Variants in WDR37 observed in about 807,000 individuals in gnomAD.
WDR37 encodes the protein WD repeat domain 37.
WDR37 carries 19 observed loss-of-function variants against 62.9 expected under a neutral mutation model. The ratio of observed to expected loss-of-function variants is 0.30; its 90% confidence interval spans 0.21 to 0.44. The LOEUF (loss-of-function observed/expected upper bound fraction) is 0.44, where lower values mean the gene tolerates loss of function less well. Ranked by LOEUF, WDR37 falls within the 20% of genes least tolerant of loss-of-function variation. The pLI is 1.00. For missense variants in WDR37, 474 were observed against 657.6 expected (o/e 0.72, Z 3.05); for synonymous variants, 250 against 260.9 (o/e 0.96, Z 0.40).
At chr10:1,058,454 C>T (rs1187527326) in intron 1 of WDR37, among the ~76,000 whole-genome samples, 1 of 152,204 alleles carries the variant, frequency 6.6e-6, no homozygotes, top group Non-Finnish European at 1.5e-5. Flanking sequence ...GTCCCTTTCC[C>T]CAAGGTGAAA....
intron 7 of WDR37, among the ~76,000 whole-genome samples, chr10:1,089,906 TGTC>T (rs1295237032): frequency 1.3e-5 from 2 of 152,232 alleles, no homozygotes; most frequent in African/African-American, 4.8e-5. Flanking sequence ...TCTGGCACGT[TGTC>T]GTGTTGCGTG....
At chr10:1,126,396 A>C (rs1157053614) in intron 13 of WDR37, among the ~76,000 whole-genome samples, 1 of 131,690 alleles carries the variant, frequency 7.6e-6, no homozygotes. Flanking sequence ...ACAGAGCGAG[A>C]CTGTGTCTCA....
chr10:1,111,980 C>T (rs1465282715), intron 11 of WDR37, among the ~76,000 whole-genome samples: 6 of 151,992 alleles, frequency 3.9e-5, no homozygotes, highest in Non-Finnish European at 5.9e-5. Context: ...CGGCTCACTG[C>T]AACCTCCACC....
Position 1,096,225 on chromosome 10 carries a change from C to T in WDR37, c.705C>T (p.Pro235=), listed in dbSNP as rs756099123. Residue 235 remains proline (P), a synonymous_variant, in exon 9 of 14, where the codon CCC becomes CCT. Transcript: ENST00000263150. ...GATACGCGGTGCAGCTGCCGACACC[C>T]CAGCCTGTTGCTGACACTAGTGTAA... ...IWRYAVQLPT[P]QPVADTSISG... 5.0e-6 allele frequency: 8 copies of T among 1,614,164 alleles called. No homozygotes were observed. The highest frequency in any genetic ancestry group is 5.9e-6 in the Non-Finnish European group (7 of 1,180,036).
At chr10:1,064,523 AGCATAGTAAGAG>A (rs1037432787) in intron 1 of WDR37, among the ~76,000 whole-genome samples, 1 of 151,550 alleles carries the variant, frequency 6.6e-6, no homozygotes, top group Admixed American at 6.6e-5. Flanking sequence ...TGAAGACAGA[AGCATAGTAAGAG>A]AGATACCACT....
chr10:1,078,971 G>T (rs958278099), intron 3 of WDR37, among the ~76,000 whole-genome samples: 6 of 152,172 alleles, frequency 3.9e-5, no homozygotes, highest in African/African-American at 1.4e-4. Context: ...ATAATGAAGA[G>T]AATATAATCC....
At chr10:1,112,422 T>G (rs1835246499) in intron 11 of WDR37, among the ~76,000 whole-genome samples, 1 of 152,152 alleles carries the variant, frequency 6.6e-6, no homozygotes, top group Admixed American at 6.5e-5. Flanking sequence ...ACTTCATGAG[T>G]GAGACACAAC....
chr10:1,061,186 C>T (rs1211808803), intron 1 of WDR37, among the ~76,000 whole-genome samples: 1 of 152,166 alleles, frequency 6.6e-6, no homozygotes, highest in Non-Finnish European at 1.5e-5. Flanking sequence ...AGCTCTTCAG[C>T]CTCTGGTAGA....
intron 1 of WDR37, among the ~76,000 whole-genome samples, chr10:1,068,135 A>G (rs1421215337): frequency 6.6e-6 from 1 of 152,162 alleles, no homozygotes; most frequent in Admixed American, 6.5e-5. Flanking sequence ...GCAGTATGAT[A>G]GAAGGAATAC....
At chr10:1,087,626 C>T (rs540229261) in intron 7 of WDR37, among the ~76,000 whole-genome samples, 39 of 152,076 alleles carry the variant, frequency 2.6e-4, no homozygotes, top group Admixed American at 4.6e-4. Context: ...TAATGGTAGG[C>T]TTAAAATACT....
chr10:1,101,011 T>C (rs1834777354), intron 9 of WDR37, among the ~76,000 whole-genome samples: 1 of 152,208 alleles, frequency 6.6e-6, no homozygotes, highest in Non-Finnish European at 1.5e-5. Context: ...CACCCAGTGC[T>C]TTAGACCAAA....
intron 11 of WDR37, among the ~76,000 whole-genome samples, chr10:1,120,681 A>G (rs1444264507): frequency 2.0e-5 from 3 of 152,202 alleles, no homozygotes; most frequent in Non-Finnish European, 2.9e-5. Flanking sequence ...ATGTGAACAC[A>G]TTACCTTGAG....
At chr10:1,058,432 TAA>T (rs1219439987) in intron 1 of WDR37, among the ~76,000 whole-genome samples, 2 of 152,364 alleles carry the variant, frequency 1.3e-5, no homozygotes, top group African/African-American at 4.8e-5. Context: ...TGCCCTGAAC[TAA>T]AATCCCTAAG....
intron 7 of WDR37, among the ~76,000 whole-genome samples, chr10:1,089,064 T>A (rs76180236): frequency 6.6e-6 from 1 of 152,114 alleles, no homozygotes; most frequent in Non-Finnish European, 1.5e-5. Flanking sequence ...CGCTTTCCCT[T>A]GTTCTAAGGG....
At chr10:1,099,961 G>A (rs982606376) in intron 9 of WDR37, among the ~76,000 whole-genome samples, 4 of 130,102 alleles carry the variant, frequency 3.1e-5, no homozygotes, top group Non-Finnish European at 7.0e-5. Context: ...TGCACTGATG[G>A]TGGGCGTGGT....
At chr10:1,109,422 G>A (rs1209928901) in intron 11 of WDR37, among the ~76,000 whole-genome samples, 1 of 152,216 alleles carries the variant, frequency 6.6e-6, no homozygotes, top group Non-Finnish European at 1.5e-5. Context: ...CAGTGCTGGT[G>A]GCATCTTTAA....
intron 3 of WDR37, among the ~76,000 whole-genome samples, chr10:1,079,027 G>A (rs1464316880): frequency 6.6e-6 from 1 of 151,938 alleles, no homozygotes; most frequent in Non-Finnish European, 1.5e-5. Context: ...GTTAATACTG[G>A]ATTCTCCTTT....
chr10:1,124,417 A>G (rs934611919), intron 12 of WDR37, 65 bp downstream of exon 12: 8 of 1,601,736 alleles, frequency 5.0e-6, no homozygotes, highest in African/African-American at 1.3e-5. Flanking sequence ...TTGTGATTTC[A>G]TGTTTTATTC....
intron 11 of WDR37, among the ~76,000 whole-genome samples, chr10:1,113,656 A>G (rs1046348576): frequency 3.3e-5 from 5 of 152,342 alleles, no homozygotes; most frequent in South Asian, 4.1e-4. Flanking sequence ...CAATGGAGAA[A>G]GTCACTGCAG....
Sources: allele counts gnomAD v4.1 joint callset (sites outside exome capture counted in the v4.1 genomes callset), GRCh38; gene constraint gnomAD v4.1.1; transcripts MANE v1.5; gene names NCBI Gene and HGNC (gene_info 2026-07-23, HGNC 2026-07-21).